Variants in C11orf71 observed in about 807,000 individuals in gnomAD.
C11orf71 encodes uncharacterized protein C11orf71.
For missense variants in C11orf71, 179 were observed against 167.6 expected (o/e 1.07, Z -0.38); for synonymous variants, 72 against 73.4 (o/e 0.98, Z 0.09).
At chr11:114,391,883 A>G (rs1051042740) in intron 1 of C11orf71, among the ~76,000 whole-genome samples, 20 of 152,102 alleles carry the variant, frequency 1.3e-4, no homozygotes, top group African/African-American at 4.8e-4. Context: ...TTAGGGATAC[A>G]TCAGGGATAG....
Position 114,400,390 on chromosome 11 carries a change from G to C in C11orf71, c.-59C>G. ...CCCTTTGTGAAGGCAGGCCCTTCGC[G>C]GCTCCCCAGATCAGTCCAGCCTGTG... On this transcript the variant is annotated 5_prime_UTR_variant, in exon 1 of 1. Transcript: ENST00000623205. 1 of 1,523,716 alleles carries C rather than the reference G, an allele frequency of 6.6e-7. No homozygotes were observed. Among genetic ancestry groups the C allele is most frequent in the Non-Finnish European group, 8.8e-7 (1 of 1,133,444 alleles). The allele number at this position is 1,523,716 out of a possible 1,614,324, so 94.4% of individuals were successfully genotyped here. A position where few individuals can be genotyped will look rare whatever the true frequency, so the allele number is the denominator to read the frequency against.
rs1946178384 is a variant in C11orf71 at position 114,400,412 on chromosome 11, T to G, written c.-81A>C. The G allele has an allele frequency of 2.0e-6, 3 of 1,471,286 alleles. No individual in the cohort carries two copies. The highest frequency in any genetic ancestry group is 2.7e-6 in the Non-Finnish European group (3 of 1,106,182). 91.1% of individuals were successfully genotyped at this position (1,471,286 alleles called of 1,614,324 possible). A position where few individuals can be genotyped will look rare whatever the true frequency, so the allele number is the denominator to read the frequency against. On this transcript the variant is annotated 5_prime_UTR_variant, in exon 1 of 1. Transcript: ENST00000623205. The stretch of plus-strand genomic sequence containing the variant: ...CGCGGCTCCCCAGATCAGTCCAGCC[T>G]GTGTCGGACCCGATGACTAAGCACA...
downstream of C11orf71, among the ~76,000 whole-genome samples, chr11:114,394,179 G>T (rs10891656): frequency 0.44 from 34,482 of 78,242 alleles, 8,634 homozygotes; most frequent in African/African-American, 0.55. Context: ...ACGGGGTTTC[G>T]TTTCTTTTCT....
intron 1 of C11orf71, chr11:114,391,699 C>T: frequency 9.9e-7 from 1 of 1,014,942 alleles, no homozygotes; most frequent in Non-Finnish European, 1.4e-6. Flanking sequence ...TATAAGATGG[C>T]AGGGAGTGGT....
In C11orf71 at chr11:114,400,459, G is replaced by A. The variant is rs2135346202; in HGVS notation, c.-128C>T. On this transcript the variant is annotated 5_prime_UTR_variant, in exon 1 of 1. Coordinates refer to ENST00000623205, the MANE Select transcript of C11orf71 (RefSeq NM_001271562.2). ...CACACAGGAACCCATAACTGAGCCT[G>A]CGGAAGAGCCAGAAGCCGCCTTGCC... 7.4e-7 allele frequency: 1 copy of A among 1,354,364 alleles called. No homozygotes were observed. Among genetic ancestry groups the A allele is most frequent in the Non-Finnish European group, 9.9e-7 (1 of 1,010,896 alleles). 83.9% of individuals were successfully genotyped at this position (1,354,364 alleles called of 1,614,324 possible).
chr11:114,399,052 G>GAAAA lies in C11orf71; in HGVS notation c.*904_*907dup, dbSNP rs11367066. Reference sequence around the variant, plus strand: ...AACCAGGATAGTGCAGTATTATGATGAAAAAAAAAAAAAAAAAGTCACTGC... The same window carrying GAAAA: ...AACCAGGATAGTGCAGTATTATGATGAAAAAAAAAAAAAAAAAAAAAGTCACTGC... On this transcript the variant is annotated 3_prime_UTR_variant, in exon 1 of 1. Transcript: ENST00000623205. 1 of 131,084 alleles carries GAAAA rather than the reference G, an allele frequency of 7.6e-6. No homozygotes were observed. Among genetic ancestry groups the GAAAA allele is most frequent in the Non-Finnish European group, 1.6e-5 (1 of 60,946 alleles). 8.1% of individuals were successfully genotyped at this position (131,084 alleles called of 1,614,324 possible). A position where few individuals can be genotyped will look rare whatever the true frequency, so the allele number is the denominator to read the frequency against.
At chr11:114,395,086 C>G (rs1318267077), downstream of C11orf71, among the ~76,000 whole-genome samples, 1 of 151,926 alleles carries the variant, frequency 6.6e-6, no homozygotes, top group African/African-American at 2.4e-5. Flanking sequence ...AATATCTACT[C>G]TTTGGGCACA....
downstream of C11orf71, among the ~76,000 whole-genome samples, chr11:114,397,010 AAC>A (rs1380219773): frequency 6.6e-6 from 1 of 152,204 alleles, no homozygotes; most frequent in Non-Finnish European, 1.5e-5. Context: ...AAACAAAAAT[AAC>A]ACAACTCTTC....
At chr11:114,393,828 CAT>C (rs1946090609), downstream of C11orf71, among the ~76,000 whole-genome samples, 1 of 152,130 alleles carries the variant, frequency 6.6e-6, no homozygotes, top group Non-Finnish European at 1.5e-5. Flanking sequence ...TAAGTATTTA[CAT>C]AAGAGCTTCG....
chr11:114,398,619 A>G lies in C11orf71; in HGVS notation c.*1341T>C, dbSNP rs1332178509. ...GTTCTCAATAAATATCTCTATAAACAATAGAAGTCCTAGCACACTGACTTG... is the reference window on the plus strand; with the variant it reads ...GTTCTCAATAAATATCTCTATAAACGATAGAAGTCCTAGCACACTGACTTG... On this transcript the variant is annotated 3_prime_UTR_variant, in exon 1 of 1. Transcript: ENST00000623205. 1.3e-5 allele frequency: 2 copies of G among 152,226 alleles called. No homozygotes were observed. Among genetic ancestry groups the G allele is most frequent in the Non-Finnish European group, 2.9e-5 (2 of 68,028 alleles). The allele number at this position is 152,226 out of a possible 1,614,324, so 9.4% of individuals were successfully genotyped here.
downstream of C11orf71, among the ~76,000 whole-genome samples, chr11:114,394,429 G>T (rs1370145457): frequency 1.3e-5 from 2 of 151,820 alleles, no homozygotes; most frequent in African/African-American, 4.8e-5. Flanking sequence ...CAAGTAGCTG[G>T]GATTACAGGC....
downstream of C11orf71, among the ~76,000 whole-genome samples, chr11:114,394,244 T>TTCTTTTCTTTTCTC (rs1946105005): frequency 6.3e-5 from 3 of 47,712 alleles, no homozygotes; most frequent in African/African-American, 6.4e-4. Flanking sequence ...TTTCTTTTCT[T>TTCTTTTCTTTTCTC]TTCTTTTCTT....
In C11orf71 at chr11:114,400,457, C is replaced by T. The variant is rs1032047079; in HGVS notation, c.-126G>A. Reference sequence around the variant, plus strand: ...AGCACACAGGAACCCATAACTGAGCCTGCGGAAGAGCCAGAAGCCGCCTTG... The same window carrying T: ...AGCACACAGGAACCCATAACTGAGCTTGCGGAAGAGCCAGAAGCCGCCTTG... On this transcript the variant is annotated 5_prime_UTR_variant, in exon 1 of 1. Transcript: ENST00000623205. The T allele has an allele frequency of 8.8e-6, 12 of 1,363,102 alleles. No homozygotes were observed. The African/African-American group carries it at 1.6e-4, about 18-fold the overall frequency. 84.4% of individuals were successfully genotyped at this position (1,363,102 alleles called of 1,614,324 possible). A position where few individuals can be genotyped will look rare whatever the true frequency, so the allele number is the denominator to read the frequency against.
downstream of C11orf71, among the ~76,000 whole-genome samples, chr11:114,394,284 T>TTCTCTTCTCTTCTC (rs1565256777): frequency 7.1e-5 from 6 of 84,470 alleles, no homozygotes; most frequent in African/African-American, 4.0e-4. Context: ...TTTCTTTTCT[T>TTCTCTTCTCTTCTC]TTCTCTTATT....
At chr11:114,392,915 C>A (rs1386920379) in intron 1 of C11orf71, among the ~76,000 whole-genome samples, 1 of 152,182 alleles carries the variant, frequency 6.6e-6, no homozygotes, top group Admixed American at 6.5e-5. Context: ...TGCCTTTAGG[C>A]AGTTACTAAA....
rs781557921 is a variant in C11orf71 at position 114,400,256 on chromosome 11, G to A, written c.76C>T (p.Leu26Phe). The A allele has an allele frequency of 1.2e-5, 20 of 1,611,070 alleles. 1 individual carries two copies. The South Asian group carries it at 2.2e-4, about 18-fold the overall frequency. ...RVAYRSSHGD[L>F]RPRASALAMV... ...GCCAACGCTGACGCCCGCGGTCTGA[G>A]GTCGCCATGGGAAGAGCGGTAGGCC... Residue 26 changes from leucine to phenylalanine, a missense_variant, in exon 1 of 1, where the codon CTC becomes TTC. By Grantham distance (22) the Leu-to-Phe change is conservative (BLOSUM62 0). Transcript: ENST00000623205.
downstream of C11orf71, among the ~76,000 whole-genome samples, chr11:114,394,217 T>C (rs1275870927): frequency 2.6e-4 from 15 of 57,726 alleles, no homozygotes; most frequent in South Asian, 1.1e-3. Flanking sequence ...TCTTTTCTTT[T>C]CTTTTCTTTT....
downstream of C11orf71, among the ~76,000 whole-genome samples, chr11:114,398,052 G>A (rs1251586856): frequency 6.6e-6 from 1 of 152,186 alleles, no homozygotes; most frequent in African/African-American, 2.4e-5. Context: ...ACAAGATTCA[G>A]CCTCTCTGAA....
chr11:114,399,836 TC>T lies in C11orf71; in HGVS notation c.*123del. On this transcript the variant is annotated 3_prime_UTR_variant, in exon 1 of 1. Coordinates refer to ENST00000623205, the MANE Select transcript of C11orf71 (RefSeq NM_001271562.2). ...TAGTGCTAGGACATATTCATATAAC[TC>T]CCACGTATTAAATGAAAATACATCC... is the stretch of plus-strand genomic sequence containing the variant. The T allele has an allele frequency of 4.6e-6, 6 of 1,306,214 alleles. No homozygotes were observed. The South Asian group carries it at 9.4e-5, about 21-fold the overall frequency. The allele number at this position is 1,306,214 out of a possible 1,614,324, so 80.9% of individuals were successfully genotyped here. A position where few individuals can be genotyped will look rare whatever the true frequency, so the allele number is the denominator to read the frequency against.
Sources: allele counts gnomAD v4.1 joint callset (sites outside exome capture counted in the v4.1 genomes callset), GRCh38; gene constraint gnomAD v4.1.1; transcripts MANE v1.5; gene names NCBI Gene and HGNC (gene_info 2026-07-23, HGNC 2026-07-21).